MAGI1: variants seen among roughly 807,000 people sequenced by gnomAD.
MAGI1 encodes membrane-associated guanylate kinase, WW and PDZ domain-containing protein 1.
MAGI1 carries 58 observed loss-of-function variants against 139.9 expected under a neutral mutation model. The ratio of observed to expected loss-of-function variants is 0.41; its 90% CI spans 0.34 to 0.52. The LOEUF (loss-of-function observed/expected upper bound fraction) is 0.52. Among genes scored for constraint, MAGI1 ranks in the 20% least tolerant of loss-of-function variants. MAGI1 has a pLI of 0.12. For synonymous variants in MAGI1, 812 were observed against 737.9 expected (o/e 1.10, Z -1.63); for missense variants, 1,874 against 1,901.6 (o/e 0.99, Z 0.27).
chr3:65,936,874 G>C (rs6779645), intron 1 of MAGI1, among the ~76,000 whole-genome samples: 2,657 of 151,990 alleles, frequency 0.017, 80 homozygotes, highest in African/African-American at 0.06. Flanking sequence ...TGGGGCTACA[G>C]GTGTGCGCCA....
At chr3:65,851,030 C>G (rs780978219) in intron 1 of MAGI1, among the ~76,000 whole-genome samples, 1 of 151,848 alleles carries the variant, frequency 6.6e-6, no homozygotes, top group African/African-American at 2.4e-5. Context: ...TTGCTTCAAC[C>G]GGGGAGGCAG....
At chr3:65,758,157 T>C (rs1045399022) in intron 1 of MAGI1, among the ~76,000 whole-genome samples, 1 of 152,196 alleles carries the variant, frequency 6.6e-6, no homozygotes, top group African/African-American at 2.4e-5. Flanking sequence ...CCAGTCCTAG[T>C]TGGTTCTTTT....
At chr3:65,527,475 C>A (rs372102998) in intron 2 of MAGI1, among the ~76,000 whole-genome samples, 2 of 152,112 alleles carry the variant, frequency 1.3e-5, no homozygotes, top group East Asian at 3.9e-4. Context: ...CCTGTAATCC[C>A]AGCACTTTGG....
chr3:65,383,725 C>T, intron 14 of MAGI1, 102 bp from the exon 15 acceptor site: 1 of 765,492 alleles, frequency 1.3e-6, no homozygotes, highest in Non-Finnish European at 2.3e-6. Flanking sequence ...GGTGCTTGAT[C>T]AGATGGAAGA....
At chr3:65,750,924 G>A (rs931690) in intron 1 of MAGI1, among the ~76,000 whole-genome samples, 72,076 of 152,052 alleles carry the variant, frequency 0.47, 17,590 homozygotes, top group Admixed American at 0.57. Flanking sequence ...AGACATTAAA[G>A]TAAGTTACCA....
chr3:65,674,430 C>T (rs1200187387), intron 1 of MAGI1, among the ~76,000 whole-genome samples: 1 of 152,170 alleles, frequency 6.6e-6, no homozygotes, highest in African/African-American at 2.4e-5. Context: ...CATGAGGTGC[C>T]TGTGAAACTC....
intron 1 of MAGI1, among the ~76,000 whole-genome samples, chr3:65,978,106 T>C (rs764743655): frequency 6.6e-6 from 1 of 152,240 alleles, no homozygotes; most frequent in South Asian, 2.1e-4. Context: ...GTAAGCTTTA[T>C]AATAATAGCA....
chr3:65,440,877 A>ACCAGT, intron 8 of MAGI1, among the ~76,000 whole-genome samples: 1 of 149,262 alleles, frequency 6.7e-6, no homozygotes, highest in African/African-American at 2.5e-5. Flanking sequence ...ATACACATAT[A>ACCAGT]TGTACATATA....
intron 2 of MAGI1, among the ~76,000 whole-genome samples, chr3:65,600,944 T>C (rs1035108297): frequency 2.0e-5 from 3 of 152,162 alleles, no homozygotes; most frequent in East Asian, 1.9e-4. Flanking sequence ...CTGGGCAAAC[T>C]TGACCTTACA....
chr3:65,699,783 C>T (rs942714436), intron 1 of MAGI1, among the ~76,000 whole-genome samples: 12 of 147,260 alleles, frequency 8.1e-5, no homozygotes, highest in African/African-American at 2.5e-4. Context: ...TGCTAGATGA[C>T]GAGTTAGTGG....
intron 22 of MAGI1, chr3:65,360,465 C>G: frequency 1.0e-6 from 1 of 983,942 alleles, no homozygotes; most frequent in African/African-American, 1.8e-5. Flanking sequence ...TCATTGCTGT[C>G]TACTCAAATC....
At chr3:65,799,586 G>C (rs2040386576) in intron 1 of MAGI1, among the ~76,000 whole-genome samples, 1 of 152,152 alleles carries the variant, frequency 6.6e-6, no homozygotes, top group African/African-American at 2.4e-5. Context: ...ACATATGTAT[G>C]TATGGGGAAG....
chr3:66,002,174 G>A (rs1431024946), intron 1 of MAGI1, among the ~76,000 whole-genome samples: 2 of 152,136 alleles, frequency 1.3e-5, no homozygotes, highest in African/African-American at 4.8e-5. Flanking sequence ...ATTTAGCTTA[G>A]AAATAAGGCA....
At chr3:65,795,915 G>T (rs949428143) in intron 1 of MAGI1, among the ~76,000 whole-genome samples, 19 of 151,928 alleles carry the variant, frequency 1.3e-4, no homozygotes, top group Non-Finnish European at 2.8e-4. Context: ...GTCAGGTGTG[G>T]TAGTGCACAC....
chr3:65,423,418 A>T (rs1946782319), intron 12 of MAGI1, among the ~76,000 whole-genome samples: 1 of 151,886 alleles, frequency 6.6e-6, no homozygotes, highest in Admixed American at 6.6e-5. Flanking sequence ...GCTAATGCTA[A>T]TGATGCACTT....
At chr3:66,027,833 T>G (rs182638341) in intron 1 of MAGI1, among the ~76,000 whole-genome samples, 17 of 152,192 alleles carry the variant, frequency 1.1e-4, no homozygotes, top group African/African-American at 3.6e-4. Flanking sequence ...CATTGTGGGG[T>G]GTTCAGCAGG....
chr3:65,465,567 C>T (rs1237386574), intron 5 of MAGI1, among the ~76,000 whole-genome samples: 1 of 152,018 alleles, frequency 6.6e-6, no homozygotes, highest in Non-Finnish European at 1.5e-5. Context: ...ATGCCACTTC[C>T]TTTCGGCCTT....
chr3:65,973,450 T>C (rs2065105248), intron 1 of MAGI1, among the ~76,000 whole-genome samples: 1 of 152,216 alleles, frequency 6.6e-6, no homozygotes, highest in African/African-American at 2.4e-5. Context: ...GATACTCTGA[T>C]ACAAATTTGG....
intron 1 of MAGI1, among the ~76,000 whole-genome samples, chr3:65,783,468 T>C (rs1256178508): frequency 6.6e-6 from 1 of 151,166 alleles, no homozygotes; most frequent in East Asian, 2.0e-4. Context: ...GACAACATAA[T>C]GAGACTCTGT....
Sources: gnomAD v4.1 joint callset for allele counts (sites outside exome capture counted in the v4.1 genomes callset) on GRCh38, gnomAD v4.1.1 for gene constraint, MANE v1.5 for transcripts, NCBI Gene and HGNC (gene_info 2026-07-23, HGNC 2026-07-21) for gene names.